Variants in ITIH3 observed in about 807,000 individuals in gnomAD.
The protein encoded by ITIH3 is inter-alpha-trypsin inhibitor heavy chain 3, also known as inter-alpha-trypsin inhibitor heavy chain H3.
In ITIH3, 81 loss-of-function variants were observed where a neutral mutation model predicts 96.5. That is an observed-to-expected ratio of 0.84 (90% CI 0.70 to 1.01). The LOEUF (loss-of-function observed/expected upper bound fraction) is 1.01. Ranked by LOEUF, ITIH3 falls within the 50% of genes least tolerant of loss-of-function variation. The probability of loss-of-function intolerance (pLI) is 0.00; values close to 1 mark genes in which losing one functional copy is unlikely to be tolerated. For missense variants in ITIH3, 1,057 were observed against 1,139.3 expected (o/e 0.93, Z 1.04); for synonymous variants, 422 against 445.2 (o/e 0.95, Z 0.66).
chr3:52,805,421 G>A (rs180828720), intron 15 of ITIH3: 9 of 1,048,412 alleles, frequency 8.6e-6, no homozygotes, highest in South Asian at 6.2e-5. Flanking sequence ...CTGTGTGCAC[G>A]TGTGGGTGGG....
At chr3:52,806,782 T>C in intron 18 of ITIH3, 119 bp from the exon 19 acceptor site, 1 of 788,356 alleles carries the variant, frequency 1.3e-6, no homozygotes, top group South Asian at 1.7e-5. Flanking sequence ...TGGTCTCTCT[T>C]GTGGCCCCCG....
intron 21 of ITIH3, 115 bp downstream of exon 21, chr3:52,808,336 T>C: frequency 2.7e-6 from 3 of 1,093,502 alleles, no homozygotes; most frequent in Non-Finnish European, 4.0e-6. Flanking sequence ...TACCCTTGTT[T>C]CCCTTTGAGG....
At chr3:52,802,056 A>G in intron 11 of ITIH3, 1 of 379,354 alleles carries the variant, frequency 2.6e-6, no homozygotes, top group Non-Finnish European at 4.7e-6. Flanking sequence ...TTCCTTAAAT[A>G]CTTTCTTTGT....
intron 15 of ITIH3, chr3:52,805,226 C>T (rs765548332): frequency 5.7e-5 from 51 of 900,806 alleles, no homozygotes; most frequent in Non-Finnish European, 6.4e-5. Context: ...CCTCTCTCAC[C>T]ACAAAACTGG....
chr3:52,799,576 T>C, intron 8 of ITIH3, 88 bp downstream of exon 8: 1 of 1,097,126 alleles, frequency 9.1e-7, no homozygotes, highest in Non-Finnish European at 1.3e-6. Context: ...CTGATCTTTG[T>C]GGTGAATGAG....
intron 8 of ITIH3, 116 bp downstream of exon 8, chr3:52,799,604 A>G (rs757211946): frequency 1.1e-5 from 12 of 1,075,050 alleles, no homozygotes; most frequent in South Asian, 1.6e-5. Context: ...GGGACAGGAT[A>G]AGAGAAGGCT....
intron 2 of ITIH3, 70 bp downstream of exon 2, chr3:52,795,693 A>G (rs1436457019): frequency 2.0e-6 from 3 of 1,477,688 alleles, no homozygotes; most frequent in Admixed American, 1.8e-5. Context: ...CCAACTGCTG[A>G]AGGTGTAGGC....
At chr3:52,795,541 A>G in intron 1 of ITIH3, 62 bp from the exon 2 acceptor site, 3 of 1,559,420 alleles carry the variant, frequency 1.9e-6, no homozygotes, top group South Asian at 2.4e-5. Flanking sequence ...CTCCCAGGCC[A>G]TGCGGCCTTG....
intron 11 of ITIH3, among the ~76,000 whole-genome samples, chr3:52,801,771 G>A (rs1252203363): frequency 1.3e-5 from 2 of 152,090 alleles, no homozygotes; most frequent in Non-Finnish European, 2.9e-5. Context: ...TGAACTTTAG[G>A]AGTACGCTAT....
chr3:52,806,908 A>G lies in ITIH3; in HGVS notation c.2064A>G (p.Thr688=). 6.3e-7 allele frequency: 1 copy of G among 1,583,200 alleles called. No homozygotes were observed. The change falls in exon 19 of 22, where the codon ACA becomes ACG. Residue 688 remains threonine, a synonymous_variant. Transcript: ENST00000449956. The stretch of plus-strand genomic sequence containing the variant: ...GCCCCATCCCTCTGGCAGGCCTCAC[A>G]GTTAATGGGCAGATCACTGGCGACA... ...RLIQDAVTGL[T]VNGQITGDKR... is the part of the protein sequence containing the mutation.
intron 20 of ITIH3, 52 bp from the exon 21 acceptor site, chr3:52,808,058 G>A (rs1008163122): frequency 5.0e-6 from 8 of 1,596,410 alleles, no homozygotes; most frequent in Middle Eastern, 1.7e-4. Flanking sequence ...CAGTGGCCAC[G>A]TTACCCGTGG....
chr3:52,799,787 T>G lies in ITIH3; in HGVS notation c.941T>G (p.Met314Arg), dbSNP rs756902170. 3 of 1,613,512 alleles carry G rather than the reference T, an allele frequency of 1.9e-6. No homozygotes were observed. Among genetic ancestry groups the G allele is most frequent in the Admixed American group, 3.3e-5 (2 of 59,980 alleles). The part of the protein sequence containing the change: ...KEALLRILED[M>R]QEEDYLNFIL... Reference sequence around the variant, plus strand: ...GCCCTTCTCAGAATCCTGGAAGATATGCAAGAGGAAGACTATCTGAATTTC... The same window carrying G: ...GCCCTTCTCAGAATCCTGGAAGATAGGCAAGAGGAAGACTATCTGAATTTC... The change falls in exon 9 of 22, where the codon ATG becomes AGG. Residue 314 changes from methionine (M) to arginine (R), a missense_variant. By Grantham distance (91) the Met-to-Arg change is moderately conservative (BLOSUM62 -1). Transcript: ENST00000449956.
chr3:52,795,483 G>A (rs999252972), intron 1 of ITIH3, 120 bp from the exon 2 acceptor site: 9 of 1,032,828 alleles, frequency 8.7e-6, no homozygotes, highest in Non-Finnish European at 1.2e-5. Context: ...GGCCACTCAG[G>A]TGTGTGGGGG....
chr3:52,800,734 C>A, intron 10 of ITIH3, 71 bp downstream of exon 10: 1 of 1,560,614 alleles, frequency 6.4e-7, no homozygotes. Context: ...CTGTAGCTGG[C>A]TCATTGGAAA....
chr3:52,795,719 C>A, intron 2 of ITIH3, 96 bp downstream of exon 2: 1 of 1,234,832 alleles, frequency 8.1e-7, no homozygotes, highest in Non-Finnish European at 1.2e-6. Context: ...CAGCTGACTC[C>A]TCACAGCTGG....
intron 10 of ITIH3, 43 bp downstream of exon 10, chr3:52,800,706 T>C: frequency 6.3e-7 from 1 of 1,586,624 alleles, no homozygotes; most frequent in Non-Finnish European, 8.6e-7. Flanking sequence ...CTGGAGTGCT[T>C]GGCTGCTGCT....
chr3:52,801,267 T>C, intron 11 of ITIH3, 121 bp downstream of exon 11: 1 of 836,948 alleles, frequency 1.2e-6, no homozygotes, highest in Non-Finnish European at 1.8e-6. Context: ...AATCCACCTC[T>C]GACTATCTCT....
intron 7 of ITIH3, 105 bp from the exon 8 acceptor site, chr3:52,799,267 A>G: frequency 8.6e-7 from 1 of 1,166,036 alleles, no homozygotes; most frequent in Non-Finnish European, 1.2e-6. Flanking sequence ...TGGGATAGGA[A>G]CGTCTTTTTC....
chr3:52,801,912 A>G (rs946439455), intron 11 of ITIH3, among the ~76,000 whole-genome samples: 6 of 152,212 alleles, frequency 3.9e-5, no homozygotes, highest in Non-Finnish European at 8.8e-5. Flanking sequence ...AGGTAATGGC[A>G]TCTCCACCTC....
Sources: gnomAD v4.1 joint callset for allele counts (sites outside exome capture counted in the v4.1 genomes callset) on GRCh38, gnomAD v4.1.1 for gene constraint, MANE v1.5 for transcripts, NCBI Gene and HGNC (gene_info 2026-07-23, HGNC 2026-07-21) for gene names.